KCNK5: variants seen among roughly 807,000 people sequenced by gnomAD.
The protein encoded by KCNK5 is potassium channel subfamily K member 5.
In KCNK5, 18 loss-of-function variants were observed where a neutral mutation model predicts 32.9. The observed-to-expected ratio is 0.55, with a 90% CI of 0.38 to 0.81. The LOEUF (loss-of-function observed/expected upper bound fraction) is 0.81. Among genes scored for constraint, KCNK5 ranks in the 30% least tolerant of loss-of-function variants. KCNK5 has a pLI of 0.00. For synonymous variants in KCNK5, 276 were observed against 275.3 expected, an observed-to-expected ratio of 1.00 and a Z score of -0.03; for missense variants, 507 against 651.0, an observed-to-expected ratio of 0.78 and a Z score of 2.41.
Position 39,228,915 on chromosome 6 carries a change from C to A in KCNK5, c.186+11G>T, listed in dbSNP as rs770637423. 1.5e-5 allele frequency: 25 copies of A among 1,613,624 alleles called. No individual in the cohort carries two copies. In the East Asian group the frequency reaches 5.4e-4, roughly 35 times the overall value. ...CTTCAGATGTATATGGGGGTACAGGCGGCGACTGACCTCTAGGATCTTGTC... is the reference window on the plus strand; with the variant it reads ...CTTCAGATGTATATGGGGGTACAGGAGGCGACTGACCTCTAGGATCTTGTC... On this transcript the variant is annotated intron_variant, in intron 1 of 4. Transcript: ENST00000359534.
chr6:39,194,612 G>C lies in KCNK5; in HGVS notation c.447C>G (p.Thr149=). 2 of 1,614,050 alleles carry C rather than the reference G, an allele frequency of 1.2e-6. No individual in the cohort carries two copies. The highest frequency in any genetic ancestry group is 8.5e-7 in the Non-Finnish European group (1 of 1,180,002). The change falls in exon 3 of 5, where the codon ACC becomes ACG. Residue 149 remains threonine, a synonymous_variant. Coordinates refer to ENST00000359534, the MANE Select transcript of KCNK5 (RefSeq NM_003740.4). This position sits in a 1 kb window ranked among gnomAD's most constrained non-coding sequence, Gnocchi z 4.7. ...GACATACCAGACTCACACCTCTCTTGGTAAGGAACTGCCCTAGTCTCTTGG... is the reference window on the plus strand; with the variant it reads ...GACATACCAGACTCACACCTCTCTTCGTAAGGAACTGCCCTAGTCTCTTGG... The part of the protein sequence containing the change: ...GRAKRLGQFL[T]KRGVSLRKAQ...
At position 39,199,542 on chromosome 6, in the gene KCNK5, C is replaced by T. The variant is rs114405507; in HGVS notation, c.187-3555G>A. Among the ~76,000 whole-genome samples the T allele has an allele frequency of 2.8e-3, 429 of 152,332 alleles. 3 individuals carry two copies. The highest frequency in any genetic ancestry group is 9.7e-3 in the African/African-American group (404 of 41,564). On this transcript the variant is annotated intron_variant, in intron 1 of 4. Coordinates refer to ENST00000359534, the MANE Select transcript of KCNK5 (RefSeq NM_003740.4). The stretch of plus-strand genomic sequence containing the variant: ...ACTCCCCGGGGCTGCAAGCACTACT[C>T]ATTCCTTGCAAAGACCCAGTGGTGG...
At chr6:39,202,726 G>A (rs1771151637) in intron 1 of KCNK5, among the ~76,000 whole-genome samples, 1 of 152,092 alleles carries the variant, frequency 6.6e-6, no homozygotes, top group African/African-American at 2.4e-5. Flanking sequence ...TCCTCTCTGA[G>A]GGCACTCAAT....
At chr6:39,193,298 G>A (rs1770972527) in intron 4 of KCNK5, among the ~76,000 whole-genome samples, 1 of 152,190 alleles carries the variant, frequency 6.6e-6, no homozygotes, top group Non-Finnish European at 1.5e-5. Flanking sequence ...GACTTGGCAG[G>A]GTCAGGGGAG....
intron 1 of KCNK5, among the ~76,000 whole-genome samples, chr6:39,196,894 G>C (rs1302488446): frequency 6.6e-6 from 1 of 152,230 alleles, no homozygotes; most frequent in Non-Finnish European, 1.5e-5. Flanking sequence ...TGGGGCAGAG[G>C]TGTGGGGAAC....
chr6:39,219,944 T>C (rs753736589), intron 1 of KCNK5, among the ~76,000 whole-genome samples: 3 of 152,208 alleles, frequency 2.0e-5, no homozygotes, highest in Non-Finnish European at 4.4e-5. Flanking sequence ...AGGGAAAATA[T>C]GGCCAGGGGC....
intron 1 of KCNK5, among the ~76,000 whole-genome samples, chr6:39,210,529 A>G (rs1771316491): frequency 6.6e-6 from 1 of 152,196 alleles, no homozygotes; most frequent in African/African-American, 2.4e-5. Context: ...CAACCCACCC[A>G]ACCTATTAAC....
At chr6:39,222,332 C>T (rs1192511475) in intron 1 of KCNK5, among the ~76,000 whole-genome samples, 1 of 152,206 alleles carries the variant, frequency 6.6e-6, no homozygotes, top group East Asian at 1.9e-4. Context: ...CACTACATCA[C>T]ATCAGCAGGA....
Position 39,194,577 on chromosome 6 carries a change from C to T in KCNK5, c.465+17G>A, listed in dbSNP as rs776392006. On this transcript the variant is annotated intron_variant, in intron 3 of 4. Coordinates refer to ENST00000359534, the MANE Select transcript of KCNK5 (RefSeq NM_003740.4). This position sits in a 1 kb window ranked among gnomAD's most constrained non-coding sequence, Gnocchi z 4.7. ...GGTTCCCCCATCTCTGCCCAACACCCAGGGTAGGGGACATACCAGACTCAC... is the reference window on the plus strand; with the variant it reads ...GGTTCCCCCATCTCTGCCCAACACCTAGGGTAGGGGACATACCAGACTCAC... 6 of 1,613,092 alleles carry T rather than the reference C, an allele frequency of 3.7e-6. No homozygotes were observed. Among genetic ancestry groups the T allele is most frequent in the Non-Finnish European group, 5.1e-6 (6 of 1,179,414 alleles).
At chr6:39,213,901 C>T (rs1312929021) in intron 1 of KCNK5, among the ~76,000 whole-genome samples, 1 of 152,074 alleles carries the variant, frequency 6.6e-6, no homozygotes, top group Non-Finnish European at 1.5e-5. Context: ...TGGTGTGGGC[C>T]TGTAATCCCA....
chr6:39,195,669 G>A (rs1179815263), intron 2 of KCNK5, among the ~76,000 whole-genome samples: 2 of 152,194 alleles, frequency 1.3e-5, no homozygotes, highest in Non-Finnish European at 2.9e-5. Context: ...TCTGCTCAAA[G>A]AGCCCAGGTC....
chr6:39,190,361 G>C lies in KCNK5; in HGVS notation c.*529C>G, dbSNP rs968749299. ...CCACTACGGTTTGTAGTAGGTGCCCGACCTGACCGGCAGGCCCACAGCTGG... is the reference window on the plus strand; with the variant it reads ...CCACTACGGTTTGTAGTAGGTGCCCCACCTGACCGGCAGGCCCACAGCTGG... On this transcript the variant is annotated 3_prime_UTR_variant, in exon 5 of 5. Transcript: ENST00000359534. The C allele has an allele frequency of 6.5e-6, 1 of 152,822 alleles. No individual in the cohort carries two copies. Among genetic ancestry groups the C allele is most frequent in the Non-Finnish European group, 1.5e-5 (1 of 68,636 alleles). 9.5% of individuals were successfully genotyped at this position (152,822 alleles called of 1,614,324 possible).
chr6:39,225,757 C>G (rs1771661151), intron 1 of KCNK5, among the ~76,000 whole-genome samples: 1 of 152,232 alleles, frequency 6.6e-6, no homozygotes. Context: ...ACAATCTTCA[C>G]AGGCCCAAGA....
At chr6:39,193,758 T>C (rs1014821959) in intron 4 of KCNK5, among the ~76,000 whole-genome samples, 3 of 152,176 alleles carry the variant, frequency 2.0e-5, no homozygotes, top group South Asian at 2.1e-4. Flanking sequence ...CCCTCCACTC[T>C]TGTGAAAGAT....
At chr6:39,212,936 TG>T (rs1330397383) in intron 1 of KCNK5, among the ~76,000 whole-genome samples, 1 of 152,174 alleles carries the variant, frequency 6.6e-6, no homozygotes, top group Non-Finnish European at 1.5e-5. Context: ...AAGACATGAA[TG>T]AACTAGGACC....
intron 1 of KCNK5, among the ~76,000 whole-genome samples, chr6:39,221,585 A>G (rs72851851): frequency 0.18 from 27,864 of 152,202 alleles, 3,110 homozygotes; most frequent in Non-Finnish European, 0.23. Context: ...TCACCCTCCA[A>G]GCCTGCCTTC....
intron 1 of KCNK5, among the ~76,000 whole-genome samples, chr6:39,214,739 G>A (rs1268659608): frequency 6.6e-6 from 1 of 152,104 alleles, no homozygotes; most frequent in Non-Finnish European, 1.5e-5. Context: ...AGCCTAGAGA[G>A]CAATGCAGCT....
Position 39,190,826 on chromosome 6 carries a change from T to G in KCNK5, c.*64A>C. The stretch of plus-strand genomic sequence containing the variant: ...CCAGGGGCCAGGCGTCCCGGTCATC[T>G]CGGGACACCCTAGGGTGAGGGGGGA... On this transcript the variant is annotated 3_prime_UTR_variant, in exon 5 of 5. Transcript: ENST00000359534. 1 of 1,394,924 alleles carries G rather than the reference T, an allele frequency of 7.2e-7. No individual in the cohort carries two copies. Among genetic ancestry groups the G allele is most frequent in the Non-Finnish European group, 9.4e-7 (1 of 1,067,774 alleles). 86.4% of individuals were successfully genotyped at this position (1,394,924 alleles called of 1,614,324 possible).
In KCNK5 at chr6:39,191,118, G is replaced by C; in HGVS notation, c.1272C>G (p.Asn424Lys). The change falls in exon 5 of 5, where the codon AAC (asparagine) becomes AAG (lysine). Residue 424 changes from asparagine (N) to lysine (K), a missense_variant. By Grantham distance (94) the Asn-to-Lys change is moderately conservative. This residue lies in a region of KCNK5 where 252 missense variants were observed against 250.8 expected (regional missense o/e 1.00). Coordinates refer to ENST00000359534, the MANE Select transcript of KCNK5 (RefSeq NM_003740.4). The surrounding 1 kb of genome is among the most constrained non-coding windows in gnomAD (Gnocchi z 5.8). ...CCTCGTCTGAGAGGCCAGCCTCCGTGTTCACGAAGGTGATGCTGGCGTCCT... is the reference window on the plus strand; with the variant it reads ...CCTCGTCTGAGAGGCCAGCCTCCGTCTTCACGAAGGTGATGCTGGCGTCCT... ...IFQDASITFV[N>K]TEAGLSDEET... 6.2e-7 allele frequency: 1 copy of C among 1,614,226 alleles called. No individual in the cohort carries two copies. The highest frequency in any genetic ancestry group is 8.5e-7 in the Non-Finnish European group (1 of 1,180,038).
Sources: gnomAD v4.1 joint callset for allele counts (sites outside exome capture counted in the v4.1 genomes callset) on GRCh38, gnomAD v4.1.1 for gene constraint, gnomAD v4.1.1 regional missense constraint, Gnocchi (gnomAD v3.1) non-coding constraint, MANE v1.5 for transcripts, NCBI Gene and HGNC (gene_info 2026-07-23, HGNC 2026-07-21) for gene names.